STS: variants seen among roughly 807,000 people sequenced by gnomAD.
STS encodes the protein steryl-sulfatase.
A neutral mutation model predicts 26.8 loss-of-function variants in STS; 7 were observed. The observed-to-expected ratio is 0.26, with a 90% CI of 0.15 to 0.49. The LOEUF is 0.49. Among genes scored for constraint, STS ranks in the 20% least tolerant of loss-of-function variants. The pLI, the probability that STS is intolerant of heterozygous loss-of-function variation, is 0.98. For missense variants in STS, 434 were observed against 465.6 expected (o/e 0.93, Z 0.63); for synonymous variants, 199 against 189.4 (o/e 1.05, Z -0.42).
intron 7 of STS, among the ~76,000 whole-genome samples, chrX:7,290,255 G>A (rs1925347913): frequency 9.0e-6 from 1 of 111,214 alleles, no homozygotes; most frequent in Non-Finnish European, 1.9e-5. Flanking sequence ...CATTAAATTG[G>A]GGGTTCAGTG....
chrX:7,283,505 G>C (rs1249205833), intron 7 of STS, among the ~76,000 whole-genome samples: 1 of 111,880 alleles, frequency 8.9e-6, no homozygotes, highest in African/African-American at 3.3e-5. Context: ...AATGAGGTTG[G>C]ATATTTCTTT....
chrX:7,259,569 G>T lies in STS; in HGVS notation c.603G>T (p.Leu201=), dbSNP rs745598872. ...TLLTLAALNC[L]GLLHVPLGVF... ...TTACCCTTGCTGCACTCAATTGTCT[G>T]GGGCTACTCCACGTGCCTCTAGGCG... is the stretch of plus-strand genomic sequence containing the variant. Residue 201 remains leucine, a synonymous_variant, in exon 6 of 11, where the codon CTG becomes CTT. Transcript: ENST00000674429. 1.2e-5 allele frequency: 14 copies of T among 1,209,614 alleles called. No individual in the cohort carries two copies. The highest frequency in any genetic ancestry group is 1.6e-5 in the Non-Finnish European group (14 of 895,068).
intron 2 of STS, among the ~76,000 whole-genome samples, chrX:7,211,847 A>G (rs892608918): frequency 9.0e-6 from 1 of 111,699 alleles, no homozygotes; most frequent in Admixed American, 9.5e-5. Flanking sequence ...GGCCAGAGTC[A>G]TCCCTGCCCT....
intron 1 of STS, among the ~76,000 whole-genome samples, chrX:7,182,151 A>G (rs1384615837): frequency 8.9e-6 from 1 of 111,801 alleles, no homozygotes; most frequent in Admixed American, 9.6e-5. Context: ...TTTTCCAAGC[A>G]TCCCGCGATA....
chrX:7,208,619 C>T (rs1391302990), intron 2 of STS, among the ~76,000 whole-genome samples: 1 of 111,839 alleles, frequency 8.9e-6, no homozygotes, highest in African/African-American at 3.2e-5. Context: ...CTCCACCTCC[C>T]TTCTTCCTCT....
At chrX:7,292,873 AT>A (rs1410601885) in intron 7 of STS, among the ~76,000 whole-genome samples, 1 of 111,052 alleles carries the variant, frequency 9.0e-6, no homozygotes, top group African/African-American at 3.3e-5. Flanking sequence ...AGGACTGAAG[AT>A]GGAGGTCACT....
chrX:7,309,359 T>A (rs1260563050), intron 8 of STS, among the ~76,000 whole-genome samples: 2 of 108,946 alleles, frequency 1.8e-5, no homozygotes, highest in Non-Finnish European at 3.8e-5. Flanking sequence ...TATGAACACA[T>A]AAAAGGAAAC....
At chrX:7,228,997 C>T (rs2147057515) in intron 2 of STS, among the ~76,000 whole-genome samples, 1 of 111,840 alleles carries the variant, frequency 8.9e-6, no homozygotes, top group African/African-American at 3.3e-5. Context: ...ACTGAAATTC[C>T]CCATCTCTTA....
chrX:7,257,610 G>A, intron 5 of STS, 22 bp downstream of exon 5: 1 of 1,210,761 alleles, frequency 8.3e-7, no homozygotes, highest in Non-Finnish European at 1.1e-6. Context: ...TATGGGATGG[G>A]AACCATCTAT....
chrX:7,339,148 A>T (rs1928170062), intron 10 of STS, among the ~76,000 whole-genome samples: 1 of 112,225 alleles, frequency 8.9e-6, no homozygotes, highest in African/African-American at 3.2e-5. Flanking sequence ...ACAGCCACTT[A>T]TGAGTTAACA....
At chrX:7,207,827 G>A (rs1160863355) in intron 2 of STS, among the ~76,000 whole-genome samples, 1 of 112,091 alleles carries the variant, frequency 8.9e-6, no homozygotes, top group Non-Finnish European at 1.9e-5. Context: ...GAAAGAATCG[G>A]CTATTCGATA....
chrX:7,204,276 G>A (rs1215172627), intron 2 of STS, among the ~76,000 whole-genome samples: 1 of 111,588 alleles, frequency 9.0e-6, no homozygotes, highest in East Asian at 2.8e-4. Flanking sequence ...GTGTTGGCAT[G>A]CCATAATATT....
At chrX:7,349,759 G>A in intron 10 of STS, 129 bp from the exon 11 acceptor site, 1 of 936,934 alleles carries the variant, frequency 1.1e-6, no homozygotes, top group Non-Finnish European at 1.5e-6. Context: ...TTAACATTGT[G>A]TCTGCAGCCT....
chrX:7,221,014 T>C (rs1172727518), intron 2 of STS, among the ~76,000 whole-genome samples: 3 of 111,984 alleles, frequency 2.7e-5, no homozygotes, highest in Non-Finnish European at 3.8e-5. Flanking sequence ...CCCAAAAGCA[T>C]CTTCTTCTTA....
chrX:7,245,793 A>G (rs1235589940), intron 2 of STS, among the ~76,000 whole-genome samples: 2 of 112,130 alleles, frequency 1.8e-5, no homozygotes, highest in Non-Finnish European at 3.8e-5. Context: ...GTGTCCCTAG[A>G]TAAGTCACAT....
chrX:7,258,072 C>A (rs771638713), intron 5 of STS, among the ~76,000 whole-genome samples: 4 of 98,054 alleles, frequency 4.1e-5, no homozygotes, highest in South Asian at 9.6e-4. Context: ...AGCTAGCTAG[C>A]TAGCTAGATA....
rs776836320 is a variant in STS, at chrX:7,271,055, A to G, written c.807-4896A>G. Reference sequence around the variant, plus strand: ...CTGCTATCCAAAATTGGAGAATCCAAGTCGAAACTGGACTGGAGCCCAGTG... The same window carrying G: ...CTGCTATCCAAAATTGGAGAATCCAGGTCGAAACTGGACTGGAGCCCAGTG... On this transcript the variant is annotated intron_variant, in intron 6 of 10. Transcript: ENST00000674429. Among the ~76,000 whole-genome samples, 25 of 109,480 alleles carry G rather than the reference A, an allele frequency of 2.3e-4. No homozygotes were observed. In the South Asian group the frequency reaches 0.01, roughly 44 times the overall value.
chrX:7,213,168 G>A (rs1444949390), intron 2 of STS, among the ~76,000 whole-genome samples: 2 of 111,209 alleles, frequency 1.8e-5, no homozygotes, highest in South Asian at 3.8e-4. Context: ...AAGCCAACTG[G>A]GACACACAAA....
chrX:7,331,700 C>A (rs143346253), intron 9 of STS, among the ~76,000 whole-genome samples: 100 of 110,398 alleles, frequency 9.1e-4, no homozygotes, highest in African/African-American at 3.1e-3. Context: ...TAAGACAATC[C>A]CAAATATTTC....
Sources: allele counts gnomAD v4.1 joint callset (sites outside exome capture counted in the v4.1 genomes callset), GRCh38; gene constraint gnomAD v4.1.1; transcripts MANE v1.5; gene names NCBI Gene and HGNC (gene_info 2026-07-23, HGNC 2026-07-21).